The following UBTF variants were observed in gnomAD, a reference collection of about 807,000 sequenced individuals.
The protein encoded by UBTF is upstream binding transcription factor, also known as nucleolar transcription factor 1.
In UBTF, 8 loss-of-function variants were observed where a neutral mutation model predicts 112.3. The ratio of observed to expected loss-of-function variants is 0.07; its 90% CI spans 0.04 to 0.13. UBTF has a LOEUF of 0.13. Ranked by LOEUF, UBTF falls within the 10% of genes least tolerant of loss-of-function variation. The pLI is 1.00. For synonymous variants in UBTF, 417 were observed against 373.1 expected (o/e 1.12, Z -1.36); for missense variants, 457 against 982.1 (o/e 0.47, Z 7.15).
intron 5 of UBTF, 147 bp downstream of exon 5, chr17:44,215,507 G>C: frequency 1.0e-6 from 1 of 969,440 alleles, no homozygotes; most frequent in Non-Finnish European, 1.5e-6. Flanking sequence ...GGGCAATCAG[G>C]TGTGGCTGCC....
At chr17:44,209,892 A>T (rs1394250472) in intron 15 of UBTF, among the ~76,000 whole-genome samples, 159 bp from the exon 16 acceptor site, 1 of 152,174 alleles carries the variant, frequency 6.6e-6, no homozygotes, top group Non-Finnish European at 1.5e-5. Context: ...CTCACGTCTG[A>T]GGCAGGCACC....
At chr17:44,220,136 G>T (rs1047608291), upstream of UBTF, among the ~76,000 whole-genome samples, 1,453 of 150,812 alleles carry the variant, frequency 9.6e-3, 21 homozygotes, top group African/African-American at 0.033. Context: ...ATGGCGGCGG[G>T]GCTCGGAGCC....
rs375391615 is a variant in UBTF at position 44,211,126 on chromosome 17, C to G, written c.1116G>C (p.Arg372=). The G allele has an allele frequency of 5.0e-6, 8 of 1,613,144 alleles. No homozygotes were observed. In the African/African-American group the frequency reaches 9.3e-5, roughly 19 times the overall value. ...LESLPEEEQQ[R]VLGEEKMLNI... ...TCAGCATCTTCTCTTCCCCCAAGACCCGCTGCTGCTCCTCCTCAGGCAGGC... is the reference window on the plus strand; with the variant it reads ...TCAGCATCTTCTCTTCCCCCAAGACGCGCTGCTGCTCCTCCTCAGGCAGGC... Residue 372 remains arginine, a synonymous_variant, in exon 12 of 21, where the codon CGG becomes CGC. Coordinates refer to ENST00000436088, the MANE Select transcript of UBTF (RefSeq NM_014233.4). The surrounding 1 kb of genome is among the most constrained non-coding windows in gnomAD (Gnocchi z 4.9).
Position 44,207,102 on chromosome 17 carries a change from T to C in UBTF, c.*140A>G. On this transcript the variant is annotated 3_prime_UTR_variant, in exon 21 of 21. Transcript: ENST00000436088. ...CTCCAGCCCCCTACCCCCACCGTAT[T>C]TTTTTTTTTTTTTAAAGAAAGAAAG... The C allele has an allele frequency of 3.5e-6, 2 of 574,720 alleles. No homozygotes were observed. Among genetic ancestry groups the C allele is most frequent in the Non-Finnish European group, 5.0e-6 (2 of 397,682 alleles). 35.6% of individuals were successfully genotyped at this position (574,720 alleles called of 1,614,324 possible). A position where few individuals can be genotyped will look rare whatever the true frequency, so the allele number is the denominator to read the frequency against.
At chr17:44,215,500 C>G (rs550426780) in intron 5 of UBTF, 154 bp downstream of exon 5, 1 of 906,524 alleles carries the variant, frequency 1.1e-6, no homozygotes, top group East Asian at 2.5e-5. Context: ...GAGGAAGGGG[C>G]AATCAGGTGT....
In UBTF at chr17:44,211,275, C is replaced by T. The variant is rs537916851; in HGVS notation, c.1089+15G>A. On this transcript the variant is annotated intron_variant, in intron 11 of 20. Transcript: ENST00000436088. This position sits in a 1 kb window ranked among gnomAD's most constrained non-coding sequence, Gnocchi z 4.9. Reference sequence around the variant, plus strand: ...CAGTCTTCTCTGCCCACTGCCCCACCGGAGGAACACTCACCTCGAGGAAAC... The same window carrying T: ...CAGTCTTCTCTGCCCACTGCCCCACTGGAGGAACACTCACCTCGAGGAAAC... 9.3e-6 allele frequency: 15 copies of T among 1,614,102 alleles called. No individual in the cohort carries two copies. In the South Asian group the frequency reaches 1.1e-4, roughly 12 times the overall value.
chr17:44,210,583 G>C lies in UBTF; in HGVS notation c.1360-110C>G, dbSNP rs568401662. 9.9e-6 allele frequency: 14 copies of C among 1,415,326 alleles called. No homozygotes were observed. The South Asian group carries it at 1.5e-4, about 15-fold the overall frequency. The allele number at this position is 1,415,326 out of a possible 1,614,324, so 87.7% of individuals were successfully genotyped here. ...GCGGGCAGAAGCATGGGCTGGTGCA[G>C]ATGTCTCCCGCCTGGGGCTCGCCCC... On this transcript the variant is annotated intron_variant, in intron 13 of 20. Coordinates refer to ENST00000436088, the MANE Select transcript of UBTF (RefSeq NM_014233.4).
intron 6 of UBTF, 38 bp downstream of exon 6, chr17:44,213,180 A>C: frequency 6.2e-7 from 1 of 1,605,132 alleles, no homozygotes; most frequent in East Asian, 2.2e-5. Context: ...TGCTGCCCCC[A>C]GTGCCCCGTG....
At chr17:44,212,566 A>G in intron 7 of UBTF, 112 bp from the exon 8 acceptor site, 2 of 1,035,794 alleles carry the variant, frequency 1.9e-6, no homozygotes, top group Non-Finnish European at 2.8e-6. Context: ...AGGTCACATC[A>G]GTGTCCCCCA....
upstream of UBTF, chr17:44,221,205 G>C (rs1252761988): frequency 6.6e-6 from 1 of 152,112 alleles, no homozygotes; most frequent in African/African-American, 2.4e-5. Flanking sequence ...ACTCACCTGC[G>C]GAGCCGCCGG....
chr17:44,207,874 T>G lies in UBTF; in HGVS notation c.1943A>C (p.Tyr648Ser). ...SPQDRAAYKE[Y>S]ISNKRKSMTK... is the part of the protein sequence containing the mutation. ...TGCTCCCAGACTCACATTGGAGATG[T>G]ACTCTTTATATGCTGCACGGTCCTG... Residue 648 changes from tyrosine (Y) to serine (S), a missense_variant, in exon 18 of 21, where the codon TAC (tyrosine) becomes TCC (serine). Tyr to Ser is a moderately radical substitution (Grantham distance 144, BLOSUM62 -2). Coordinates refer to ENST00000436088, the MANE Select transcript of UBTF (RefSeq NM_014233.4). 6.2e-7 allele frequency: 1 copy of G among 1,614,024 alleles called. No individual in the cohort carries two copies. The highest frequency in any genetic ancestry group is 8.5e-7 in the Non-Finnish European group (1 of 1,180,016).
intron 8 of UBTF, 84 bp downstream of exon 8, chr17:44,212,260 C>T: frequency 8.2e-7 from 1 of 1,224,416 alleles, no homozygotes. Context: ...GGAGTGACAC[C>T]TCCCGCAGAG....
Position 44,207,626 on chromosome 17 carries a change from C to T in UBTF, c.2026-29G>A, listed in dbSNP as rs369778239. 13 of 1,613,992 alleles carry T rather than the reference C, an allele frequency of 8.1e-6. No individual in the cohort carries two copies. In the African/African-American group the frequency reaches 1.7e-4, roughly 22 times the overall value. On this transcript the variant is annotated intron_variant, in intron 19 of 20. Transcript: ENST00000436088. ...GGAGGGATGGAGGCACATCAGTGGT[C>T]TCTGGTCTCTGCCCAACCATTCCAG...
At chr17:44,216,045 G>T in intron 3 of UBTF, 56 bp from the exon 4 acceptor site, 4 of 1,359,510 alleles carry the variant, frequency 2.9e-6, no homozygotes, top group South Asian at 2.3e-5. Context: ...ATGCCACACA[G>T]TAGTATACCC....
At chr17:44,213,089 C>A in intron 6 of UBTF, 129 bp downstream of exon 6, 1 of 1,528,030 alleles carries the variant, frequency 6.5e-7, no homozygotes, top group Non-Finnish European at 8.9e-7. Flanking sequence ...GAGCATGACA[C>A]ACTAGGGCTC....
intron 1 of UBTF, among the ~76,000 whole-genome samples, chr17:44,218,840 G>T (rs1488034868): frequency 1.3e-5 from 2 of 149,492 alleles, no homozygotes; most frequent in East Asian, 4.0e-4. Flanking sequence ...CACCGCCCCC[G>T]GGGACCGGAT....
chr17:44,218,997 C>T (rs1413079959), intron 1 of UBTF: 13 of 150,348 alleles, frequency 8.6e-5, no homozygotes, highest in Admixed American at 7.9e-4. Context: ...GCCCAGCCAC[C>T]CCGACGCGCA....
chr17:44,210,771 C>T lies in UBTF; in HGVS notation c.1359+21G>A, dbSNP rs186528652. 2.0e-4 allele frequency: 304 copies of T among 1,554,836 alleles called. 1 individual carries two copies. Among genetic ancestry groups the T allele is most frequent in the Non-Finnish European group, 2.4e-4 (274 of 1,148,944 alleles). ...CCTGGCAGCCCCCCTGGGGGCACAGCGCTCCGCCAGGCAGCCTGACCTTCT... is the reference window on the plus strand; with the variant it reads ...CCTGGCAGCCCCCCTGGGGGCACAGTGCTCCGCCAGGCAGCCTGACCTTCT... On this transcript the variant is annotated intron_variant, in intron 13 of 20. Transcript: ENST00000436088.
Position 44,206,949 on chromosome 17 carries a change from C to T in UBTF, c.*293G>A, listed in dbSNP as rs1056628569. The T allele has an allele frequency of 1.4e-5, 7 of 502,458 alleles. No individual in the cohort carries two copies. Among genetic ancestry groups the T allele is most frequent in the South Asian group, 6.8e-5 (2 of 29,266 alleles). 31.1% of individuals were successfully genotyped at this position (502,458 alleles called of 1,614,324 possible). ...TCCGGTCCATTGTCCATGCCGGAAC[C>T]GCAAGTGCAGAAGTGGGTGGGGTGG... On this transcript the variant is annotated 3_prime_UTR_variant, in exon 21 of 21. Coordinates refer to ENST00000436088, the MANE Select transcript of UBTF (RefSeq NM_014233.4).
Sources: gnomAD v4.1 joint callset for allele counts (sites outside exome capture counted in the v4.1 genomes callset) on GRCh38, gnomAD v4.1.1 for gene constraint, Gnocchi (gnomAD v3.1) non-coding constraint, MANE v1.5 for transcripts, NCBI Gene and HGNC (gene_info 2026-07-23, HGNC 2026-07-21) for gene names.